The following FBXO36 variants were observed in gnomAD, a reference collection of about 807,000 sequenced individuals.
The protein encoded by FBXO36 is F-box only protein 36.
Under a neutral mutation model 17.0 loss-of-function variants are expected in FBXO36, and 18 were observed. That is an observed-to-expected ratio of 1.06 (90% CI 0.73 to 1.57). The LOEUF (loss-of-function observed/expected upper bound fraction) is 1.57, where lower values mean the gene tolerates loss of function less well. FBXO36 is among the 40% of genes most tolerant of loss of function. FBXO36 has a pLI of 0.00. For missense variants in FBXO36, 229 were observed against 221.9 expected, an observed-to-expected ratio of 1.03 and a Z score of -0.20; for synonymous variants, 83 against 85.3, an observed-to-expected ratio of 0.97 and a Z score of 0.15.
chr2:229,927,439 G>GA (rs2076919016), intron 1 of FBXO36, among the ~76,000 whole-genome samples: 1 of 152,150 alleles, frequency 6.6e-6, no homozygotes, highest in Non-Finnish European at 1.5e-5. Context: ...TTGTACTCTT[G>GA]AAATGTTGTC....
At chr2:229,943,959 C>T (rs2106166048) in intron 1 of FBXO36, among the ~76,000 whole-genome samples, 1 of 152,240 alleles carries the variant, frequency 6.6e-6, no homozygotes, top group South Asian at 2.1e-4. Context: ...AGTGAGTTCT[C>T]ATGAGATCTG....
At chr2:229,965,438 A>G (rs2077146976) in intron 1 of FBXO36, among the ~76,000 whole-genome samples, 1 of 150,790 alleles carries the variant, frequency 6.6e-6, no homozygotes, top group African/African-American at 2.4e-5. Flanking sequence ...GGTTTGTTAC[A>G]TATGTATACA....
intron 1 of FBXO36, among the ~76,000 whole-genome samples, chr2:229,948,007 T>G (rs984749695): frequency 2.0e-5 from 3 of 152,108 alleles, no homozygotes; most frequent in Non-Finnish European, 2.9e-5. Flanking sequence ...GCTTCAACAT[T>G]TAGAAGTCAG....
chr2:229,945,547 C>T (rs942139297), intron 1 of FBXO36, among the ~76,000 whole-genome samples: 4 of 151,314 alleles, frequency 2.6e-5, no homozygotes, highest in Non-Finnish European at 4.4e-5. Context: ...CTCAGGTGAT[C>T]CACCCGCCTT....
intron 1 of FBXO36, among the ~76,000 whole-genome samples, chr2:229,949,721 T>G (rs547754227): frequency 6.6e-6 from 1 of 151,468 alleles, no homozygotes; most frequent in African/African-American, 2.4e-5. Flanking sequence ...GTCAGGAGAT[T>G]GAGACCATCC....
chr2:229,933,058 G>A (rs1412622162), intron 1 of FBXO36, among the ~76,000 whole-genome samples: 1 of 152,148 alleles, frequency 6.6e-6, no homozygotes, highest in South Asian at 2.1e-4. Flanking sequence ...GCAACAGAGC[G>A]AGATTCCGTC....
chr2:229,944,750 G>A (rs1198073314), intron 1 of FBXO36, among the ~76,000 whole-genome samples: 2 of 151,546 alleles, frequency 1.3e-5, no homozygotes, highest in African/African-American at 4.8e-5. Flanking sequence ...CCACCACCAC[G>A]CCCGGCTAAT....
At chr2:229,932,860 G>C (rs2076946044) in intron 1 of FBXO36, 5 of 327,100 alleles carry the variant, frequency 1.5e-5, no homozygotes, top group South Asian at 1.1e-4. Context: ...ACGACGTCTG[G>C]AGTTGGAGAC....
intron 2 of FBXO36, among the ~76,000 whole-genome samples, chr2:229,981,781 T>G (rs986022234): frequency 6.6e-6 from 1 of 151,760 alleles, no homozygotes; most frequent in African/African-American, 2.4e-5. Flanking sequence ...TGCTGTTGTA[T>G]TAGTCTGTTC....
Position 229,996,879 on chromosome 2 carries a change from G to A in FBXO36, c.334G>A (p.Glu112Lys), listed in dbSNP as rs745676136. 2 of 1,613,858 alleles carry A rather than the reference G, an allele frequency of 1.2e-6. No homozygotes were observed. The highest frequency in any genetic ancestry group is 2.7e-5 in the African/African-American group (2 of 74,886). ...GACTATCATTTCTTATCTGGATCTT[G>A]AAGATATTGCCAGGCTTTGTCAAAC... Reference protein sequence around the residue: ...LLTIISYLDLEDIARLCQTSH... With the variant: ...LLTIISYLDLKDIARLCQTSH... Residue 112 changes from glutamate (E) to lysine (K), a missense_variant, in exon 3 of 4, where the codon GAA becomes AAA. Physicochemically the swap from Glu to Lys is moderately conservative, Grantham distance 56. Coordinates refer to ENST00000283946, the MANE Select transcript of FBXO36 (RefSeq NM_174899.5).
chr2:229,991,997 C>T lies in FBXO36; in HGVS notation c.206-4754C>T, dbSNP rs79345326. ...TGAAGAGGCAGAGAATGTTCAAAAG[C>T]AGTAAATCCTGTGTCCTTTTTAAGA... On this transcript the variant is annotated intron_variant, in intron 2 of 3. Transcript: ENST00000283946. Among the ~76,000 whole-genome samples, 621 of 152,242 alleles carry T rather than the reference C, an allele frequency of 4.1e-3. 2 individuals carry two copies. Among genetic ancestry groups the T allele is most frequent in the Non-Finnish European group, 7.9e-3 (538 of 68,012 alleles).
intron 3 of FBXO36, among the ~76,000 whole-genome samples, chr2:230,003,393 A>G (rs183183851): frequency 6.6e-6 from 1 of 152,156 alleles, no homozygotes; most frequent in Admixed American, 6.6e-5. Context: ...GGATAACCCA[A>G]AATTCTGAGA....
Position 229,957,562 on chromosome 2 carries a change from G to A in FBXO36, c.97-18679G>A, listed in dbSNP as rs975757938. ...ATTGCACTTCAGCCTGGGCGATAGA[G>A]TGTGACTGTCTCCAAAACGATACAA... On this transcript the variant is annotated intron_variant, in intron 1 of 3. Coordinates refer to ENST00000283946, the MANE Select transcript of FBXO36 (RefSeq NM_174899.5). Among the ~76,000 whole-genome samples, 3 of 152,184 alleles carry A rather than the reference G, an allele frequency of 2.0e-5. No individual in the cohort carries two copies. In the South Asian group the frequency reaches 6.2e-4, roughly 32 times the overall value.
At position 229,922,614 on chromosome 2, in the gene FBXO36, GTGCGAGCCGCGGTTTA is replaced by G; in HGVS notation, c.96+6_96+21del. ...TTACTGGTCACCCGGTCTCAGGCAA[GTGCGAGCCGCGGTTTA>G]CCCTCTCTCCTAACTCCCTACCTGG... On this transcript the variant is annotated splice_donor_region_variant and intron_variant, in intron 1 of 3. Transcript: ENST00000283946. 6.2e-7 allele frequency: 1 copy of G among 1,613,918 alleles called. No individual in the cohort carries two copies. Among genetic ancestry groups the G allele is most frequent in the Non-Finnish European group, 8.5e-7 (1 of 1,179,920 alleles).
chr2:230,000,851 C>CTTTTTTTTT (rs71049612), intron 3 of FBXO36, among the ~76,000 whole-genome samples: 3 of 89,486 alleles, frequency 3.4e-5, no homozygotes, highest in African/African-American at 1.2e-4. Context: ...AACCACTTTT[C>CTTTTTTTTT]TTTTTTTTTT....
chr2:229,957,932 A>T (rs1399579990), intron 1 of FBXO36, among the ~76,000 whole-genome samples: 2 of 152,346 alleles, frequency 1.3e-5, no homozygotes, highest in East Asian at 3.9e-4. Flanking sequence ...AAGTAGAAGT[A>T]TAGACACCTT....
Position 229,976,238 on chromosome 2 carries a change from T to C in FBXO36, c.97-3T>C. 1.9e-6 allele frequency: 3 copies of C among 1,584,012 alleles called. No homozygotes were observed. Among genetic ancestry groups the C allele is most frequent in the Admixed American group, 3.7e-5 (2 of 53,894 alleles). On this transcript the variant is annotated splice_polypyrimidine_tract_variant and splice_region_variant and intron_variant, in intron 1 of 3. Coordinates refer to ENST00000283946, the MANE Select transcript of FBXO36 (RefSeq NM_174899.5). Reference sequence around the variant, plus strand: ...ATTCATATCACTTTGTATTTAATTATAGGTAATCTTTAGATGGTGGAAGAT... The same window carrying C: ...ATTCATATCACTTTGTATTTAATTACAGGTAATCTTTAGATGGTGGAAGAT...
At chr2:229,990,365 T>C (rs1284182659) in intron 2 of FBXO36, among the ~76,000 whole-genome samples, 2 of 151,664 alleles carry the variant, frequency 1.3e-5, no homozygotes, top group African/African-American at 4.8e-5. Context: ...GTTACTGTTA[T>C]TGGGTTTTAG....
At chr2:229,962,498 TTTTTATTTTATTTTATTTTATTTTA>T (rs150685147) in intron 1 of FBXO36, among the ~76,000 whole-genome samples, 5 of 127,324 alleles carry the variant, frequency 3.9e-5, no homozygotes, top group Admixed American at 8.4e-5. Flanking sequence ...ACCTAGTTGA[TTTTTATTTTATTTTATTTTATTTTA>T]TTTTATTTTA....
Sources: allele counts gnomAD v4.1 joint callset (sites outside exome capture counted in the v4.1 genomes callset), GRCh38; gene constraint gnomAD v4.1.1; transcripts MANE v1.5; gene names NCBI Gene and HGNC (gene_info 2026-07-23, HGNC 2026-07-21).